Variants in PARD3 observed in about 807,000 individuals in gnomAD.
The protein encoded by PARD3 is par-3 family cell polarity regulator.
Under a neutral mutation model 155.4 loss-of-function variants are expected in PARD3, and 75 were observed. The observed-to-expected ratio is 0.48, with a 90% confidence interval of 0.40 to 0.58. PARD3 has a LOEUF of 0.58. Among genes scored for constraint, PARD3 ranks in the 20% least tolerant of loss-of-function variants. The pLI is 0.00. For missense variants in PARD3, 1,642 were observed against 1,721.7 expected, an observed-to-expected ratio of 0.95 and a Z score of 0.82; for synonymous variants, 576 against 610.5, an observed-to-expected ratio of 0.94 and a Z score of 0.83.
Position 34,664,277 on chromosome 10 carries a change from A to G in PARD3, c.222+32041T>C, listed in dbSNP as rs369932325. Among the ~76,000 whole-genome samples the G allele has an allele frequency of 6.4e-4, 98 of 151,952 alleles. 1 individual carries two copies. The highest frequency in any genetic ancestry group is 2.3e-3 in the African/African-American group (97 of 41,406). On this transcript the variant is annotated intron_variant, in intron 2 of 24. Transcript: ENST00000374788. ...GAGTGCAGTAGCGTGATCTCGGCTC[A>G]CTGCAACCTCCACCTCCCAGGTTCA...
chr10:34,329,128 A>G (rs1408316073), intron 19 of PARD3, among the ~76,000 whole-genome samples: 2 of 152,202 alleles, frequency 1.3e-5, no homozygotes, highest in African/African-American at 2.4e-5. Context: ...TTTTTAAAAA[A>G]TAAGTTTATA....
rs576195009 is a variant in PARD3 at position 34,757,588 on chromosome 10, A to G, written c.120+57288T>C. Among the ~76,000 whole-genome samples, 38 of 152,162 alleles carry G rather than the reference A, an allele frequency of 2.5e-4. No individual in the cohort carries two copies. In the South Asian group the frequency reaches 7.9e-3, roughly 32 times the overall value. ...TAGCCAGGCACGGTGGCTCACGCCTATAAACCCAGCTACTCGGGAGGCTGA... is the reference window on the plus strand; with the variant it reads ...TAGCCAGGCACGGTGGCTCACGCCTGTAAACCCAGCTACTCGGGAGGCTGA... On this transcript the variant is annotated intron_variant, in intron 1 of 24. Coordinates refer to ENST00000374788, the MANE Select transcript of PARD3 (RefSeq NM_001184785.2).
intron 14 of PARD3, among the ~76,000 whole-genome samples, chr10:34,348,529 T>G (rs1837666174): frequency 1.3e-5 from 2 of 152,168 alleles, no homozygotes; most frequent in South Asian, 4.1e-4. Context: ...TAGCTATAGG[T>G]CTTAAACTTA....
chr10:34,634,879 A>T (rs1445253566), intron 2 of PARD3, among the ~76,000 whole-genome samples: 1 of 152,134 alleles, frequency 6.6e-6, no homozygotes, highest in Non-Finnish European at 1.5e-5. Flanking sequence ...AAACAGGGGG[A>T]ATCTGAACAT....
At position 34,131,468 on chromosome 10, in the gene PARD3, G is replaced by T. The variant is rs765589858; in HGVS notation, c.3535C>A (p.Pro1179Thr). ...CTGAAGAACCAATTACTTACCCAGG[G>T]TTGCTCAAAACTATAGGTCCGCCGA... Reference protein sequence around the residue: ...DRRRTYSFEQPWPNARPATQS... With the variant: ...DRRRTYSFEQTWPNARPATQS... Residue 1179 changes from proline (P) to threonine (T), a missense_variant, in exon 23 of 25, where the codon CCC (proline) becomes ACC (threonine). By Grantham distance (38) the Pro-to-Thr change is conservative. Transcript: ENST00000374788. 1.1e-5 allele frequency: 18 copies of T among 1,613,940 alleles called. No individual in the cohort carries two copies. In the Admixed American group the frequency reaches 2.5e-4, roughly 22 times the overall value.
At chr10:34,617,418 C>T in intron 2 of PARD3, among the ~76,000 whole-genome samples, 1 of 152,004 alleles carries the variant, frequency 6.6e-6, no homozygotes, top group Non-Finnish European at 1.5e-5. Flanking sequence ...GTCTAAGGCC[C>T]TGTAGGGTGA....
intron 2 of PARD3, among the ~76,000 whole-genome samples, chr10:34,633,822 A>G (rs529489103): frequency 6.6e-6 from 1 of 152,308 alleles, no homozygotes; most frequent in East Asian, 1.9e-4. Flanking sequence ...CTTTTTCTCC[A>G]CATCCTCACA....
intron 5 of PARD3, among the ~76,000 whole-genome samples, chr10:34,403,533 A>T (rs1008140150): frequency 3.9e-5 from 6 of 152,172 alleles, no homozygotes; most frequent in African/African-American, 1.4e-4. Context: ...GGCCCAACTG[A>T]CATTTCCTTT....
chr10:34,346,810 A>T (rs1353576217), intron 15 of PARD3, among the ~76,000 whole-genome samples: 1 of 152,256 alleles, frequency 6.6e-6, no homozygotes, highest in Non-Finnish European at 1.5e-5. Context: ...ACATGTAACA[A>T]GATAAGAAAT....
chr10:34,123,964 A>C (rs1192401544), intron 23 of PARD3, among the ~76,000 whole-genome samples: 1 of 152,218 alleles, frequency 6.6e-6, no homozygotes, highest in Non-Finnish European at 1.5e-5. Flanking sequence ...TTATGAAATA[A>C]AATCATTGTT....
intron 1 of PARD3, among the ~76,000 whole-genome samples, chr10:34,722,878 T>C (rs189853912): frequency 6.6e-6 from 1 of 152,286 alleles, no homozygotes; most frequent in East Asian, 1.9e-4. Context: ...ATCTGATATC[T>C]AAGATTTATT....
rs139774042 is a variant in PARD3 at position 34,313,768 on chromosome 10, C to A, written c.3065+3339G>T. Among the ~76,000 whole-genome samples the A allele has an allele frequency of 2.2e-3, 337 of 152,200 alleles. 2 individuals carry two copies. Among genetic ancestry groups the A allele is most frequent in the Middle Eastern group, 3.4e-3 (1 of 294 alleles). On this transcript the variant is annotated intron_variant, in intron 20 of 24. Coordinates refer to ENST00000374788, the MANE Select transcript of PARD3 (RefSeq NM_001184785.2). ...ATGAGTGGGAGTTGCAGGGAGGCAACAGGATGATGGGGGTAGGACAGGATG... is the reference window on the plus strand; with the variant it reads ...ATGAGTGGGAGTTGCAGGGAGGCAAAAGGATGATGGGGGTAGGACAGGATG...
At chr10:34,413,628 C>G (rs1845355642) in intron 5 of PARD3, among the ~76,000 whole-genome samples, 1 of 152,166 alleles carries the variant, frequency 6.6e-6, no homozygotes, top group Non-Finnish European at 1.5e-5. Flanking sequence ...TATCACCACG[C>G]TGAGTTTCGC....
At chr10:34,727,329 C>T (rs890776743) in intron 1 of PARD3, among the ~76,000 whole-genome samples, 1 of 152,224 alleles carries the variant, frequency 6.6e-6, no homozygotes, top group African/African-American at 2.4e-5. Context: ...AAGCACTGCA[C>T]GTTCCCACGT....
intron 1 of PARD3, among the ~76,000 whole-genome samples, chr10:34,753,234 G>C (rs1465866070): frequency 6.6e-6 from 1 of 152,220 alleles, no homozygotes; most frequent in East Asian, 1.9e-4. Context: ...CTATCCCCAA[G>C]GGCACTTGGA....
At chr10:34,704,694 A>G (rs928000499) in intron 1 of PARD3, among the ~76,000 whole-genome samples, 1 of 152,246 alleles carries the variant, frequency 6.6e-6, no homozygotes, top group Admixed American at 6.5e-5. Flanking sequence ...GCTCTTTTTC[A>G]TAACAATCCT....
intron 22 of PARD3, among the ~76,000 whole-genome samples, chr10:34,219,507 T>C (rs1952172574): frequency 1.3e-5 from 2 of 152,218 alleles, no homozygotes; most frequent in Admixed American, 1.3e-4. Flanking sequence ...GGTGATTTTC[T>C]ATGCAATGGC....
chr10:34,217,403 T>C (rs1368007447), intron 22 of PARD3, among the ~76,000 whole-genome samples: 1 of 152,078 alleles, frequency 6.6e-6, no homozygotes, highest in Non-Finnish European at 1.5e-5. Flanking sequence ...AACACTCCCT[T>C]TGTACAAGTC....
chr10:34,221,492 A>G (rs1172709439), intron 22 of PARD3, among the ~76,000 whole-genome samples: 1 of 151,394 alleles, frequency 6.6e-6, no homozygotes, highest in Non-Finnish European at 1.5e-5. Context: ...ATCAATTAGC[A>G]TATGCATGAC....
Sources: gnomAD v4.1 joint callset for allele counts (sites outside exome capture counted in the v4.1 genomes callset) on GRCh38, gnomAD v4.1.1 for gene constraint, MANE v1.5 for transcripts, NCBI Gene and HGNC (gene_info 2026-07-23, HGNC 2026-07-21) for gene names.